GRAMD2B: variants seen among roughly 807,000 people sequenced by gnomAD.
GRAMD2B encodes the protein GRAM domain-containing protein 2B.
GRAMD2B carries 41 observed loss-of-function variants against 59.2 expected under a neutral mutation model. The ratio of observed to expected loss-of-function variants is 0.69; its 90% CI spans 0.54 to 0.90. GRAMD2B has a LOEUF of 0.90. Ranked by LOEUF, GRAMD2B falls within the 40% of genes least tolerant of loss-of-function variation. GRAMD2B has a pLI of 0.00. For synonymous variants in GRAMD2B, 161 were observed against 182.7 expected, an observed-to-expected ratio of 0.88 and a Z score of 0.96; for missense variants, 424 against 500.5, an observed-to-expected ratio of 0.85 and a Z score of 1.46.
At chr5:126,395,568 A>C (rs1757288977) in intron 1 of GRAMD2B, among the ~76,000 whole-genome samples, 1 of 152,236 alleles carries the variant, frequency 6.6e-6, no homozygotes. Flanking sequence ...ATTCACAAAC[A>C]TTCACTTTAT....
chr5:126,465,536 T>A lies in GRAMD2B; in HGVS notation c.194T>A (p.Ile65Asn). The A allele has an allele frequency of 1.2e-6, 2 of 1,613,836 alleles. No individual in the cohort carries two copies. Among genetic ancestry groups the A allele is most frequent in the Non-Finnish European group, 8.5e-7 (1 of 1,179,938 alleles). ...EADSPDQKKIISLWSKSSFDG... is the reference protein window; with the variant it reads ...EADSPDQKKINSLWSKSSFDG... ...GACTCCCCAGACCAGAAGAAAATCA[T>A]TAGCCTATGGTAAGTCCTCCGTTGA... Residue 65 changes from isoleucine to asparagine, a missense_variant, in exon 2 of 14, where the codon ATT becomes AAT. Ile to Asn is a moderately radical substitution (Grantham distance 149, BLOSUM62 -3). Transcript: ENST00000285689.
chr5:126,462,917 T>C (rs1767636725), intron 1 of GRAMD2B, among the ~76,000 whole-genome samples: 1 of 152,204 alleles, frequency 6.6e-6, no homozygotes, highest in African/African-American at 2.4e-5. Context: ...ACACTGTATG[T>C]TCCATCCTTG....
At chr5:126,481,226 AGAAAGAAAG>A (rs1771751615) in intron 8 of GRAMD2B, among the ~76,000 whole-genome samples, 2 of 40,138 alleles carry the variant, frequency 5.0e-5, no homozygotes, top group African/African-American at 1.2e-4. Context: ...AAAGAAAGAA[AGAAAGAAAG>A]AAAGAAAGAA....
intron 5 of GRAMD2B, 24 bp from the exon 6 acceptor site, chr5:126,477,668 A>G (rs891462465): frequency 7.6e-7 from 1 of 1,311,686 alleles, no homozygotes; most frequent in Admixed American, 1.7e-5. Flanking sequence ...CTGAACTGGC[A>G]TTAACTTGCT....
intron 1 of GRAMD2B, among the ~76,000 whole-genome samples, chr5:126,449,852 A>G (rs900061526): frequency 1.3e-5 from 2 of 152,178 alleles, no homozygotes; most frequent in Non-Finnish European, 2.9e-5. Flanking sequence ...ACATCCTGTG[A>G]ACACCCTACT....
intron 1 of GRAMD2B, among the ~76,000 whole-genome samples, chr5:126,397,378 C>T (rs1284106987): frequency 6.6e-6 from 1 of 152,128 alleles, no homozygotes; most frequent in Non-Finnish European, 1.5e-5. Flanking sequence ...GCATGCACTA[C>T]CACGCCTGGC....
At chr5:126,446,380 G>A (rs1026723087) in intron 1 of GRAMD2B, among the ~76,000 whole-genome samples, 1 of 152,036 alleles carries the variant, frequency 6.6e-6, no homozygotes, top group Non-Finnish European at 1.5e-5. Context: ...GTTATAAAAT[G>A]TTCATAGTAA....
chr5:126,487,748 C>T (rs1460938350), intron 12 of GRAMD2B, among the ~76,000 whole-genome samples: 1 of 152,144 alleles, frequency 6.6e-6, no homozygotes, highest in East Asian at 1.9e-4. Context: ...GAACTGTTCC[C>T]ATTTTACAGA....
intron 1 of GRAMD2B, among the ~76,000 whole-genome samples, chr5:126,444,351 C>G (rs1763828174): frequency 6.6e-6 from 1 of 152,100 alleles, no homozygotes; most frequent in South Asian, 2.1e-4. Flanking sequence ...GGTAACTTGC[C>G]TATTTGGTAT....
intron 1 of GRAMD2B, among the ~76,000 whole-genome samples, chr5:126,365,044 T>A (rs1197887002): frequency 6.6e-6 from 1 of 152,226 alleles, no homozygotes; most frequent in Non-Finnish European, 1.5e-5. Flanking sequence ...TCCTTTAGAG[T>A]AAAACATAAT....
intron 1 of GRAMD2B, among the ~76,000 whole-genome samples, chr5:126,393,539 A>G (rs1416276851): frequency 6.6e-6 from 1 of 152,190 alleles, no homozygotes; most frequent in Non-Finnish European, 1.5e-5. Context: ...AAAATCTTCA[A>G]AGTTCCACCT....
intron 12 of GRAMD2B, 58 bp downstream of exon 12, chr5:126,487,035 A>C: frequency 1.1e-6 from 1 of 884,094 alleles, no homozygotes; most frequent in Non-Finnish European, 1.9e-6. Flanking sequence ...ATAATAATTG[A>C]CCTGAACTTA....
chr5:126,449,529 G>A (rs539189321), intron 1 of GRAMD2B, among the ~76,000 whole-genome samples: 7 of 151,820 alleles, frequency 4.6e-5, no homozygotes, highest in South Asian at 2.1e-4. Context: ...CTTATTTTTC[G>A]CCATGGGATA....
At chr5:126,413,854 T>TA (rs1266739738) in intron 1 of GRAMD2B, among the ~76,000 whole-genome samples, 1 of 152,134 alleles carries the variant, frequency 6.6e-6, no homozygotes, top group Non-Finnish European at 1.5e-5. Context: ...AATGATTCTA[T>TA]AAAACAGTTG....
chr5:126,460,579 GT>G (rs1767162514), intron 1 of GRAMD2B, among the ~76,000 whole-genome samples: 1 of 152,072 alleles, frequency 6.6e-6, no homozygotes, highest in African/African-American at 2.4e-5. Flanking sequence ...CCTTCTTTTG[GT>G]CACTGTGAGG....
chr5:126,398,006 C>T (rs938968979), intron 1 of GRAMD2B, among the ~76,000 whole-genome samples: 15 of 138,950 alleles, frequency 1.1e-4, no homozygotes, highest in East Asian at 4.2e-4. Context: ...AATGTTTTTT[C>T]GTTGTTGGGA....
At chr5:126,476,038 G>A (rs916143618) in intron 5 of GRAMD2B, among the ~76,000 whole-genome samples, 2 of 151,812 alleles carry the variant, frequency 1.3e-5, no homozygotes, top group African/African-American at 4.8e-5. Context: ...AACCCAGTGG[G>A]TGGAGGTTGC....
chr5:126,434,298 A>T (rs901404686), intron 1 of GRAMD2B, among the ~76,000 whole-genome samples: 1 of 152,156 alleles, frequency 6.6e-6, no homozygotes, highest in African/African-American at 2.4e-5. Flanking sequence ...TTACTTTTAA[A>T]TTAAAAATTA....
rs375594841 is a variant in GRAMD2B, at chr5:126,406,616, T to G, written c.125+35049T>G. Among the ~76,000 whole-genome samples, 10 of 152,074 alleles carry G rather than the reference T, an allele frequency of 6.6e-5. No homozygotes were observed. The East Asian group carries it at 9.7e-4, about 15-fold the overall frequency. On this transcript the variant is annotated intron_variant, in intron 1 of 8. Coordinates refer to the GRAMD2B transcript ENST00000506445. ...ATGAAAAAGAAATCCTAAATTTGAT[T>G]TTGTTATGTTTTCTGCTGTGTACTA...
Sources: allele counts gnomAD v4.1 joint callset (sites outside exome capture counted in the v4.1 genomes callset), GRCh38; gene constraint gnomAD v4.1.1; transcripts MANE v1.5; gene names NCBI Gene and HGNC (gene_info 2026-07-23, HGNC 2026-07-21).